Variants in SLC37A2 observed in about 807,000 individuals in gnomAD.
The protein encoded by SLC37A2 is solute carrier family 37 member 2.
In SLC37A2, 59 loss-of-function variants were observed where a neutral mutation model predicts 70.7. The ratio of observed to expected loss-of-function variants is 0.83; its 90% CI spans 0.68 to 1.04. The LOEUF (loss-of-function observed/expected upper bound fraction) is 1.04, where lower values mean the gene tolerates loss of function less well. Ranked by LOEUF, SLC37A2 falls within the 50% of genes least tolerant of loss-of-function variation. The pLI is 0.00. For synonymous variants in SLC37A2, 257 were observed against 262.1 expected, an observed-to-expected ratio of 0.98 and a Z score of 0.19; for missense variants, 580 against 658.1, an observed-to-expected ratio of 0.88 and a Z score of 1.30.
At chr11:125,070,710 G>A (rs1949021724) in intron 1 of SLC37A2, among the ~76,000 whole-genome samples, 1 of 152,212 alleles carries the variant, frequency 6.6e-6, no homozygotes, top group Admixed American at 6.5e-5. Context: ...GGAGAACCTG[G>A]AGTCTCAGCC....
At chr11:125,070,566 C>T (rs968335057) in intron 1 of SLC37A2, among the ~76,000 whole-genome samples, 1 of 152,210 alleles carries the variant, frequency 6.6e-6, no homozygotes, top group Non-Finnish European at 1.5e-5. Flanking sequence ...TTTCCCTGTC[C>T]TATGGGCTAG....
At chr11:125,064,670 A>C (rs1194016088) in intron 1 of SLC37A2, among the ~76,000 whole-genome samples, 1 of 152,220 alleles carries the variant, frequency 6.6e-6, no homozygotes, top group Non-Finnish European at 1.5e-5. Context: ...ATTTTTCAGA[A>C]AAAGATTAAA....
chr11:125,086,275 C>T (rs367737909), intron 17 of SLC37A2: 1,361 of 1,595,004 alleles, frequency 8.5e-4, no homozygotes, highest in East Asian at 1.4e-3. Context: ...GTATTTACTT[C>T]GAGTCTGTGA....
intron 1 of SLC37A2, among the ~76,000 whole-genome samples, chr11:125,075,706 AGT>A (rs1949078515): frequency 6.6e-6 from 1 of 152,208 alleles, no homozygotes; most frequent in Admixed American, 6.5e-5. Flanking sequence ...CCCAAGTGGT[AGT>A]GGGTGTTGCT....
At chr11:125,079,837 T>C (rs1949128483) in intron 6 of SLC37A2, 77 bp downstream of exon 6, 1 of 1,146,158 alleles carries the variant, frequency 8.7e-7, no homozygotes, top group Non-Finnish European at 1.3e-6. Flanking sequence ...TGGCCTCTGA[T>C]GTAATTTCAG....
chr11:125,071,384 C>T (rs556442413), intron 1 of SLC37A2, among the ~76,000 whole-genome samples: 13 of 152,348 alleles, frequency 8.5e-5, no homozygotes, highest in African/African-American at 9.6e-5. Context: ...CCTGTTATTC[C>T]GGCTGCTGAT....
chr11:125,080,870 C>A lies in SLC37A2; in HGVS notation c.694+90C>A. Reference sequence around the variant, plus strand: ...TGGATCTACTGGAAAGATTGCTGGTCACAGAGTGGGAGGACCAGCCGTGTG... The same window carrying A: ...TGGATCTACTGGAAAGATTGCTGGTAACAGAGTGGGAGGACCAGCCGTGTG... On this transcript the variant is annotated intron_variant, in intron 7 of 17. Transcript: ENST00000403796. This position sits in a 1 kb window ranked among gnomAD's most constrained non-coding sequence, Gnocchi z 4.3. 1 of 1,204,496 alleles carries A rather than the reference C, an allele frequency of 8.3e-7. No homozygotes were observed. The highest frequency in any genetic ancestry group is 2.9e-5 in the South Asian group (1 of 34,468). 74.6% of individuals were successfully genotyped at this position (1,204,496 alleles called of 1,614,324 possible). A position where few individuals can be genotyped will look rare whatever the true frequency, so the allele number is the denominator to read the frequency against.
At chr11:125,084,203 G>C in intron 11 of SLC37A2, 31 bp from the exon 12 acceptor site, 1 of 1,613,056 alleles carries the variant, frequency 6.2e-7, no homozygotes, top group South Asian at 1.1e-5. Context: ...TCCTGTCTGG[G>C]AGTCAGTGCG....
Position 125,063,799 on chromosome 11 carries a change from A to AC in SLC37A2, c.59+375dup. Among the ~76,000 whole-genome samples, 1 of 152,310 alleles carries AC rather than the reference A, an allele frequency of 6.6e-6. No homozygotes were observed. Among genetic ancestry groups the AC allele is most frequent in the Middle Eastern group, 3.4e-3 (1 of 294 alleles). Reference sequence around the variant, plus strand: ...GGAACCTGGGCTCGAAGGCTGGGGAACCGAGGCCAGGGGATGGTAGAGGAA... The same window carrying AC: ...GGAACCTGGGCTCGAAGGCTGGGGAACCCGAGGCCAGGGGATGGTAGAGGAA... On this transcript the variant is annotated intron_variant, in intron 1 of 17. Coordinates refer to ENST00000403796, the MANE Select transcript of SLC37A2 (RefSeq NM_001145290.2). The surrounding 1 kb of genome is among the most constrained non-coding windows in gnomAD (Gnocchi z 5.4).
intron 1 of SLC37A2, among the ~76,000 whole-genome samples, chr11:125,065,080 AT>A (rs1167175048): frequency 6.6e-6 from 1 of 152,246 alleles, no homozygotes; most frequent in African/African-American, 2.4e-5. Flanking sequence ...TCATAGGTAT[AT>A]TTTGCATGGC....
At chr11:125,081,683 G>A in intron 8 of SLC37A2, 71 bp from the exon 9 acceptor site, 1 of 1,509,390 alleles carries the variant, frequency 6.6e-7, no homozygotes, top group African/African-American at 1.4e-5. Flanking sequence ...TCTCTTGCCT[G>A]GGCTGCACCT....
chr11:125,078,516 T>C (rs1385952303), intron 4 of SLC37A2, among the ~76,000 whole-genome samples: 2 of 151,810 alleles, frequency 1.3e-5, no homozygotes, highest in South Asian at 4.2e-4. Flanking sequence ...GGTAGCCCGG[T>C]GAGTCTTGGA....
At position 125,079,252 on chromosome 11, in the gene SLC37A2, GA is replaced by G. The variant is rs765035772; in HGVS notation, c.450+7del. 3.1e-6 allele frequency: 5 copies of G among 1,614,032 alleles called. No homozygotes were observed. In the South Asian group the frequency reaches 5.5e-5, roughly 18 times the overall value. ...TGGTACTTTGTGGTCATCCAGGTAT[GA>G]ATCACCGTCTTGCACTTGGGCCTGT... On this transcript the variant is annotated splice_donor_region_variant and intron_variant, in intron 5 of 17. Coordinates refer to ENST00000403796, the MANE Select transcript of SLC37A2 (RefSeq NM_001145290.2).
chr11:125,078,942 G>A (rs368732852), intron 4 of SLC37A2, among the ~76,000 whole-genome samples, 170 bp from the exon 5 acceptor site: 2 of 152,220 alleles, frequency 1.3e-5, no homozygotes, highest in Middle Eastern at 3.4e-3. Context: ...ATGGCCAGGT[G>A]TCACAGAAGC....
chr11:125,085,331 C>A, intron 14 of SLC37A2, 64 bp from the exon 15 acceptor site: 1 of 1,521,124 alleles, frequency 6.6e-7, no homozygotes, highest in Non-Finnish European at 9.0e-7. Context: ...CAGCCCCTCT[C>A]CTGTCCTGGT....
chr11:125,068,595 C>T (rs1267519788), intron 1 of SLC37A2, among the ~76,000 whole-genome samples: 2 of 152,102 alleles, frequency 1.3e-5, no homozygotes, highest in Non-Finnish European at 2.9e-5. Context: ...TTCAGAGGAC[C>T]AGCGAGGGGA....
At position 125,085,422 on chromosome 11, in the gene SLC37A2, G is replaced by C; in HGVS notation, c.1276G>C (p.Ala426Pro). The C allele has an allele frequency of 6.2e-7, 1 of 1,613,880 alleles. No individual in the cohort carries two copies. Among genetic ancestry groups the C allele is most frequent in the South Asian group, 1.1e-5 (1 of 91,030 alleles). The change falls in exon 15 of 18, where the codon GCC becomes CCC. Residue 426 changes from alanine (A) to proline (P), a missense_variant. By Grantham distance (27) the Ala-to-Pro change is conservative (BLOSUM62 -1). Coordinates refer to ENST00000403796, the MANE Select transcript of SLC37A2 (RefSeq NM_001145290.2). ...LGTHKSLKGN[A>P]KALSTVTAII... Reference sequence around the variant, plus strand: ...GACTCACAAGAGCCTGAAGGGCAACGCCAAAGCCCTGTCCACGGTCACGGC... The same window carrying C: ...GACTCACAAGAGCCTGAAGGGCAACCCCAAAGCCCTGTCCACGGTCACGGC...
chr11:125,082,386 C>T (rs766302844), intron 10 of SLC37A2, 52 bp downstream of exon 10: 2 of 1,539,104 alleles, frequency 1.3e-6, no homozygotes, highest in South Asian at 1.1e-5. Context: ...CCAAGGCTGC[C>T]TCTGGTGGGA....
At chr11:125,074,612 A>G (rs1454591431) in intron 1 of SLC37A2, among the ~76,000 whole-genome samples, 3 of 90,332 alleles carry the variant, frequency 3.3e-5, no homozygotes, top group African/African-American at 1.3e-4. Context: ...GACACAGTGC[A>G]GTTGGGGGAG....
Sources: allele counts gnomAD v4.1 joint callset (sites outside exome capture counted in the v4.1 genomes callset), GRCh38; gene constraint gnomAD v4.1.1; non-coding constraint Gnocchi (gnomAD v3.1); transcripts MANE v1.5; gene names NCBI Gene and HGNC (gene_info 2026-07-23, HGNC 2026-07-21).